IFRD1: variants seen among roughly 807,000 people sequenced by gnomAD.
IFRD1 encodes the protein interferon related developmental regulator 1.
A neutral mutation model predicts 52.9 loss-of-function variants in IFRD1; 35 were observed. The ratio of observed to expected loss-of-function variants is 0.66; its 90% CI spans 0.51 to 0.88. IFRD1 has a LOEUF of 0.88. Ranked by LOEUF, IFRD1 falls within the 40% of genes least tolerant of loss-of-function variation. IFRD1 has a pLI of 0.00. For synonymous variants in IFRD1, 184 were observed against 188.4 expected (o/e 0.98, Z 0.19); for missense variants, 517 against 550.8 (o/e 0.94, Z 0.61).
At chr7:112,447,495 AC>A (rs1429921780), upstream of IFRD1, among the ~76,000 whole-genome samples, 2 of 152,182 alleles carry the variant, frequency 1.3e-5, no homozygotes, top group African/African-American at 4.8e-5. Context: ...AATGAGCCCA[AC>A]CGAAAATACT....
intron 5 of IFRD1, among the ~76,000 whole-genome samples, chr7:112,460,411 G>A (rs1019918675): frequency 3.3e-5 from 5 of 151,310 alleles, no homozygotes; most frequent in Admixed American, 1.3e-4. Context: ...TGTCTGGCTC[G>A]CTTTTAATAT....
chr7:112,449,465 GA>G (rs1412879004), upstream of IFRD1, among the ~76,000 whole-genome samples: 1 of 152,178 alleles, frequency 6.6e-6, no homozygotes, highest in Non-Finnish European at 1.5e-5. Context: ...AAATAGAATA[GA>G]GCTCAGCTGA....
At chr7:112,467,924 A>G (rs751756404) in intron 8 of IFRD1, 57 bp from the exon 9 acceptor site, 9 of 1,505,114 alleles carry the variant, frequency 6.0e-6, no homozygotes, top group Non-Finnish European at 8.3e-6. Context: ...TTAGCTCTAT[A>G]TGAGGTCAGA....
intron 1 of IFRD1, among the ~76,000 whole-genome samples, chr7:112,433,505 T>C (rs1165261006): frequency 6.6e-6 from 1 of 152,134 alleles, no homozygotes; most frequent in Non-Finnish European, 1.5e-5. Context: ...CAGGAGCAAT[T>C]TGGGGAGGTT....
At chr7:112,439,573 C>G (rs1211135503) in intron 1 of IFRD1, among the ~76,000 whole-genome samples, 2 of 152,154 alleles carry the variant, frequency 1.3e-5, no homozygotes, top group African/African-American at 4.8e-5. Context: ...AAAACCTCAT[C>G]TATGTTCTTT....
intron 3 of IFRD1, 53 bp from the exon 4 acceptor site, chr7:112,456,861 T>TACTCCAAAG: frequency 6.3e-7 from 1 of 1,577,258 alleles, no homozygotes; most frequent in South Asian, 1.1e-5. Context: ...TAAAAAGTTA[T>TACTCCAAAG]TTATTGTATA....
intron 8 of IFRD1, 76 bp from the exon 9 acceptor site, chr7:112,467,905 T>C (rs1441702709): frequency 2.9e-6 from 4 of 1,357,098 alleles, no homozygotes; most frequent in South Asian, 2.4e-5. Context: ...AAATGTAGAC[T>C]GTTCTTTGTT....
rs1795311962 is a variant in IFRD1 at position 112,457,053 on chromosome 7, T to G, written c.409+15T>G. ...CCTGAAAAAAGGTAATGCCCTTATT[T>G]TTGAGTCACAGACGTACAACTAATA... On this transcript the variant is annotated intron_variant, in intron 4 of 11. Coordinates refer to ENST00000403825, the MANE Select transcript of IFRD1 (RefSeq NM_001550.4). The G allele has an allele frequency of 6.2e-7, 1 of 1,613,030 alleles. No homozygotes were observed. Among genetic ancestry groups the G allele is most frequent in the Non-Finnish European group, 8.5e-7 (1 of 1,179,414 alleles).
intron 2 of IFRD1, 42 bp downstream of exon 2, chr7:112,455,909 T>A (rs1306547092): frequency 6.7e-7 from 1 of 1,497,766 alleles, no homozygotes; most frequent in Non-Finnish European, 9.3e-7. Context: ...AGATAAAATG[T>A]TTCAGGTGGA....
At chr7:112,467,088 C>T (rs1025384763) in intron 8 of IFRD1, among the ~76,000 whole-genome samples, 1 of 152,094 alleles carries the variant, frequency 6.6e-6, no homozygotes, top group African/African-American at 2.4e-5. Flanking sequence ...TATTTTCCAC[C>T]AGTGTAATAA....
chr7:112,464,562 G>A (rs1206042709), intron 8 of IFRD1, among the ~76,000 whole-genome samples: 1 of 152,142 alleles, frequency 6.6e-6, no homozygotes, highest in African/African-American at 2.4e-5. Context: ...ACCTCATAGA[G>A]TTTTTGAGAA....
intron 1 of IFRD1, chr7:112,437,214 G>C (rs548769382): frequency 1.7e-4 from 26 of 154,722 alleles, no homozygotes; most frequent in Non-Finnish European, 3.7e-4. Flanking sequence ...GAGCCAGTGA[G>C]GAGTTATAAG....
At chr7:112,468,237 G>A (rs1795665520) in intron 9 of IFRD1, 122 bp downstream of exon 9, 1 of 1,063,238 alleles carries the variant, frequency 9.4e-7, no homozygotes, top group Non-Finnish European at 1.4e-6. Context: ...CTCATTTTAC[G>A]ACCTAGCAGG....
chr7:112,455,280 G>A lies in IFRD1; in HGVS notation c.95-483G>A, dbSNP rs188520555. Among the ~76,000 whole-genome samples the A allele has an allele frequency of 1.7e-3, 261 of 151,580 alleles. 2 individuals carry two copies. Among genetic ancestry groups the A allele is most frequent in the African/African-American group, 5.8e-3 (240 of 41,452 alleles). On this transcript the variant is annotated intron_variant, in intron 1 of 11. Transcript: ENST00000403825. Reference sequence around the variant, plus strand: ...GGGTGGATCACGAGGTCAGGAGTTCGAGACCAGCCTGACCAACATGGTGAA... The same window carrying A: ...GGGTGGATCACGAGGTCAGGAGTTCAAGACCAGCCTGACCAACATGGTGAA...
At chr7:112,459,131 G>T (rs1434797144) in intron 5 of IFRD1, 113 bp downstream of exon 5, 2 of 915,320 alleles carry the variant, frequency 2.2e-6, no homozygotes, top group Non-Finnish European at 3.5e-6. Context: ...AGAGGATCTT[G>T]TAAGTCCAGG....
At chr7:112,439,717 C>G (rs1465790617) in intron 1 of IFRD1, among the ~76,000 whole-genome samples, 1 of 152,104 alleles carries the variant, frequency 6.6e-6, no homozygotes, top group Non-Finnish European at 1.5e-5. Context: ...TCCCTCAAGC[C>G]CTCAACTCTT....
chr7:112,447,253 T>C (rs949196359), upstream of IFRD1, among the ~76,000 whole-genome samples: 1 of 152,258 alleles, frequency 6.6e-6, no homozygotes, highest in South Asian at 2.1e-4. Context: ...TGGTGATTTC[T>C]GTTCCATGGA....
intron 1 of IFRD1, among the ~76,000 whole-genome samples, chr7:112,443,895 AT>A (rs1794958019): frequency 6.6e-6 from 1 of 151,146 alleles, no homozygotes; most frequent in African/African-American, 2.4e-5. Flanking sequence ...AACAAACACC[AT>A]CCCCCACCAA....
In IFRD1 at chr7:112,464,701, T is replaced by G. The variant is rs537878924; in HGVS notation, c.906+2323T>G. On this transcript the variant is annotated intron_variant, in intron 8 of 11. Coordinates refer to ENST00000403825, the MANE Select transcript of IFRD1 (RefSeq NM_001550.4). ...AGTAACTTAATATAAGAGACATTAT[T>G]TGGTGGGCAGAATTAAGATCTTGGG... 3.2e-4 allele frequency among the ~76,000 whole-genome samples: 48 copies of G among 152,292 alleles called. No individual in the cohort carries two copies. In the South Asian group the frequency reaches 9.5e-3, roughly 30 times the overall value.
Sources: gnomAD v4.1 joint callset for allele counts (sites outside exome capture counted in the v4.1 genomes callset) on GRCh38, gnomAD v4.1.1 for gene constraint, MANE v1.5 for transcripts, NCBI Gene and HGNC (gene_info 2026-07-23, HGNC 2026-07-21) for gene names.